UGT8: variants seen among roughly 807,000 people sequenced by gnomAD.
The protein encoded by UGT8 is UDP glycosyltransferase 8, also known as 2-hydroxyacylsphingosine 1-beta-galactosyltransferase.
In UGT8, 12 loss-of-function variants were observed where a neutral mutation model predicts 40.5. The observed-to-expected ratio is 0.30, with a 90% CI of 0.19 to 0.48. The LOEUF (loss-of-function observed/expected upper bound fraction) is 0.48. UGT8 is among the 20% of genes least tolerant of loss of function. The pLI is 0.99. For synonymous variants in UGT8, 224 were observed against 240.4 expected (o/e 0.93, Z 0.63); for missense variants, 513 against 648.7 (o/e 0.79, Z 2.27).
At chr4:114,656,837 T>A (rs778501468) in intron 2 of UGT8, 2 of 515,560 alleles carry the variant, frequency 3.9e-6, no homozygotes, top group East Asian at 1.1e-4. Flanking sequence ...TGCTCTTCAT[T>A]TCCCCATATC....
chr4:114,602,948 G>T (rs1360302154), intron 1 of UGT8, among the ~76,000 whole-genome samples: 1 of 152,204 alleles, frequency 6.6e-6, no homozygotes, highest in Non-Finnish European at 1.5e-5. Context: ...CTAGAAGGAT[G>T]GATCTGAGGA....
chr4:114,599,586 G>A (rs1342570422), intron 1 of UGT8, among the ~76,000 whole-genome samples: 5 of 152,244 alleles, frequency 3.3e-5, no homozygotes, highest in African/African-American at 1.2e-4. Context: ...TCTCGACAAT[G>A]GACAGTGTAC....
chr4:114,647,554 C>T (rs899827593), intron 2 of UGT8, among the ~76,000 whole-genome samples: 10 of 151,952 alleles, frequency 6.6e-5, no homozygotes, highest in Non-Finnish European at 1.3e-4. Context: ...TTAGTAGAGG[C>T]GGGGTTTCAC....
chr4:114,660,752 C>T (rs995099774), intron 2 of UGT8, among the ~76,000 whole-genome samples: 2 of 151,590 alleles, frequency 1.3e-5, no homozygotes, highest in African/African-American at 2.4e-5. Context: ...ATTAGCCGGG[C>T]GTAGTGGGGG....
intron 2 of UGT8, among the ~76,000 whole-genome samples, chr4:114,652,624 A>G (rs1733952440): frequency 6.6e-6 from 1 of 152,086 alleles, no homozygotes; most frequent in Non-Finnish European, 1.5e-5. Context: ...GATAAATTGT[A>G]TTAATGGAAA....
intron 1 of UGT8, among the ~76,000 whole-genome samples, chr4:114,620,818 T>A (rs759786176): frequency 6.6e-6 from 1 of 152,178 alleles, no homozygotes; most frequent in Non-Finnish European, 1.5e-5. Context: ...TGTTTGAATG[T>A]TTAGAAGGTA....
chr4:114,656,879 T>C (rs1372316113), intron 2 of UGT8: 1 of 484,984 alleles, frequency 2.1e-6, no homozygotes, highest in Non-Finnish European at 4.3e-6. Context: ...CATTAAAAAA[T>C]ATAAACTCTC....
chr4:114,653,056 A>G (rs550856043), intron 2 of UGT8, among the ~76,000 whole-genome samples: 1 of 152,088 alleles, frequency 6.6e-6, no homozygotes, highest in African/African-American at 2.4e-5. Context: ...ACCGTTCTGG[A>G]TCGTTGACTT....
chr4:114,628,336 C>T lies in UGT8; in HGVS notation c.822+4634C>T, dbSNP rs188091736. 3.3e-5 allele frequency among the ~76,000 whole-genome samples: 5 copies of T among 152,018 alleles called. No individual in the cohort carries two copies. The East Asian group carries it at 5.8e-4, about 18-fold the overall frequency. ...TATATTTTCAGTAGAGACAGGGTTT[C>T]GATATGTTGGCCAGGATGGTCTCAA... is the stretch of plus-strand genomic sequence containing the variant. On this transcript the variant is annotated intron_variant, in intron 2 of 5. Transcript: ENST00000310836.
rs151141234 is a variant in UGT8 at position 114,672,666 on chromosome 4, G to T, written c.1263-3259G>T. On this transcript the variant is annotated intron_variant, in intron 5 of 5. Coordinates refer to ENST00000310836, the MANE Select transcript of UGT8 (RefSeq NM_001128174.3). Reference sequence around the variant, plus strand: ...GAAGAACACACACCAGGGCCTGTTGGGGGTAGAGGGTGAGGGGAGGGAACT... The same window carrying T: ...GAAGAACACACACCAGGGCCTGTTGTGGGTAGAGGGTGAGGGGAGGGAACT... Among the ~76,000 whole-genome samples the T allele has an allele frequency of 4.4e-3, 662 of 152,066 alleles. 7 individuals carry two copies. Among genetic ancestry groups the T allele is most frequent in the African/African-American group, 0.014 (597 of 41,462 alleles).
rs1731953446 is a variant in UGT8, at chr4:114,623,245, C to T, written c.365C>T (p.Ala122Val). 1 of 1,614,024 alleles carries T rather than the reference C, an allele frequency of 6.2e-7. No homozygotes were observed. Among genetic ancestry groups the T allele is most frequent in the Non-Finnish European group, 8.5e-7 (1 of 1,180,026 alleles). ...TGTGACCTGATGGTTGGCAACCATG[C>T]CCTGATCCAGGGTCTGAAGAAAGAA... ...KNCDLMVGNH[A>V]LIQGLKKEKF... The change falls in exon 2 of 6, where the codon GCC becomes GTC. Residue 122 changes from alanine to valine, a missense_variant. Around this residue, in one of 3 missense-constraint regions of UGT8, gnomAD observed 335 missense variants for 444.8 expected, o/e 0.75. Coordinates refer to ENST00000310836, the MANE Select transcript of UGT8 (RefSeq NM_001128174.3).
At chr4:114,648,782 T>TGG (rs1440166945) in intron 2 of UGT8, among the ~76,000 whole-genome samples, 1 of 152,206 alleles carries the variant, frequency 6.6e-6, no homozygotes, top group Non-Finnish European at 1.5e-5. Context: ...AATGTAACTT[T>TGG]GGGGAATATA....
At chr4:114,616,615 A>G (rs1238282332) in intron 1 of UGT8, among the ~76,000 whole-genome samples, 1 of 151,850 alleles carries the variant, frequency 6.6e-6, no homozygotes, top group African/African-American at 2.4e-5. Context: ...TCCTGCACCC[A>G]CTGTCCAACA....
intron 5 of UGT8, among the ~76,000 whole-genome samples, chr4:114,670,677 A>C (rs1277974490): frequency 6.6e-6 from 1 of 152,136 alleles, no homozygotes; most frequent in African/African-American, 2.4e-5. Flanking sequence ...AAACAATAAG[A>C]GGTATTTATG....
At chr4:114,610,797 T>G (rs1164805868) in intron 1 of UGT8, among the ~76,000 whole-genome samples, 2 of 152,142 alleles carry the variant, frequency 1.3e-5, no homozygotes, top group Non-Finnish European at 2.9e-5. Flanking sequence ...TTGGCCAGTT[T>G]TGTCCTGAAA....
intron 5 of UGT8, among the ~76,000 whole-genome samples, chr4:114,675,523 G>A (rs1253103759): frequency 6.6e-6 from 1 of 151,788 alleles, no homozygotes; most frequent in African/African-American, 2.4e-5. Context: ...GGCGGATCAC[G>A]AGGTCAGGAG....
At chr4:114,614,411 C>G (rs992105588) in intron 1 of UGT8, among the ~76,000 whole-genome samples, 5 of 152,016 alleles carry the variant, frequency 3.3e-5, no homozygotes, top group African/African-American at 1.2e-4. Flanking sequence ...TTCTATTAAT[C>G]TTATTTTTCA....
At chr4:114,610,994 T>C (rs568220174) in intron 1 of UGT8, among the ~76,000 whole-genome samples, 3 of 152,246 alleles carry the variant, frequency 2.0e-5, no homozygotes, top group African/African-American at 7.2e-5. Flanking sequence ...ATTGAAAAGC[T>C]GTTTCTCCTA....
intron 5 of UGT8, among the ~76,000 whole-genome samples, chr4:114,674,904 T>C (rs1174027199): frequency 6.6e-6 from 1 of 152,234 alleles, no homozygotes; most frequent in Non-Finnish European, 1.5e-5. Context: ...TTGTCAAAGA[T>C]TGGCACATGA....
Sources: allele counts gnomAD v4.1 joint callset (sites outside exome capture counted in the v4.1 genomes callset), GRCh38; gene constraint gnomAD v4.1.1; regional missense constraint gnomAD v4.1.1; transcripts MANE v1.5; gene names NCBI Gene and HGNC (gene_info 2026-07-23, HGNC 2026-07-21).